NEK10: variants seen among roughly 807,000 people sequenced by gnomAD.
The protein encoded by NEK10 is serine/threonine-protein kinase Nek10.
A neutral mutation model predicts 159.8 loss-of-function variants in NEK10; 122 were observed. The ratio of observed to expected loss-of-function variants is 0.76; its 90% confidence interval spans 0.66 to 0.89. The LOEUF (loss-of-function observed/expected upper bound fraction) is 0.89, where lower values mean the gene tolerates loss of function less well. Among genes scored for constraint, NEK10 ranks in the 40% least tolerant of loss-of-function variants. The probability of loss-of-function intolerance (pLI) is 0.00; values close to 1 mark genes in which losing one functional copy is unlikely to be tolerated. For missense variants in NEK10, 1,342 were observed against 1,323.1 expected (o/e 1.01, Z -0.22); for synonymous variants, 466 against 457.1 (o/e 1.02, Z -0.25).
chr3:27,112,436 C>T (rs1939709440), intron 35 of NEK10, among the ~76,000 whole-genome samples: 1 of 152,174 alleles, frequency 6.6e-6, no homozygotes, highest in Non-Finnish European at 1.5e-5. Context: ...GTAACTTTCT[C>T]AGCACGGTGC....
intron 1 of NEK10, among the ~76,000 whole-genome samples, chr3:27,353,181 T>C (rs887560915): frequency 7.7e-4 from 118 of 152,326 alleles, no homozygotes; most frequent in African/African-American, 2.3e-3. Context: ...ATTGGTTTGC[T>C]TTTATTTTTC....
chr3:27,111,335 A>C lies in NEK10; in HGVS notation c.3300-15T>G, dbSNP rs1939499054. 1 of 1,566,902 alleles carries C rather than the reference A, an allele frequency of 6.4e-7. No individual in the cohort carries two copies. On this transcript the variant is annotated splice_polypyrimidine_tract_variant and intron_variant, in intron 35 of 35. Coordinates refer to ENST00000691995, the MANE Select transcript of NEK10 (RefSeq NM_001394966.1). ...AGGAATGATACCTATAAGATTCAGA[A>C]GTGGAAAGAATTCTCTATAGTTACA...
chr3:27,118,273 T>G (rs1388253911), intron 33 of NEK10, among the ~76,000 whole-genome samples: 2 of 152,224 alleles, frequency 1.3e-5, no homozygotes, highest in Non-Finnish European at 2.9e-5. Context: ...TTTGTCCTTT[T>G]TGCTTGGGAT....
rs180952651 is a variant in NEK10, at chr3:27,354,168, G to A, written c.-37-1249C>T. 1.7e-3 allele frequency among the ~76,000 whole-genome samples: 260 copies of A among 152,296 alleles called. 1 individual carries two copies. Among genetic ancestry groups the A allele is most frequent in the Middle Eastern group, 6.8e-3 (2 of 294 alleles). On this transcript the variant is annotated intron_variant, in intron 1 of 35. Transcript: ENST00000691995. ...GCTCAAACTATAGCTACAGACTATA[G>A]TTTAGAAGCAGAAAATAGAAGCCGC...
rs908169256 is a variant in NEK10 at position 27,107,581 on chromosome 3, G to C, written c.*3691C>G. The stretch of plus-strand genomic sequence containing the variant: ...ATATGAAATTCATTTATTACATTTA[G>C]TTGTTGAACATGAAGAATTTTATAT... On this transcript the variant is annotated 3_prime_UTR_variant, in exon 36 of 36. Coordinates refer to ENST00000691995, the MANE Select transcript of NEK10 (RefSeq NM_001394966.1). Among the ~76,000 whole-genome samples the C allele has an allele frequency of 6.6e-6, 1 of 152,102 alleles. No individual in the cohort carries two copies. The highest frequency in any genetic ancestry group is 1.5e-5 in the Non-Finnish European group (1 of 68,008).
chr3:27,209,406 A>C (rs1157981889), intron 23 of NEK10, among the ~76,000 whole-genome samples: 1 of 152,196 alleles, frequency 6.6e-6, no homozygotes, highest in Non-Finnish European at 1.5e-5. Context: ...CAGGATGTTT[A>C]TATTGGGCAT....
chr3:27,227,537 G>A (rs1379140725), intron 23 of NEK10, among the ~76,000 whole-genome samples: 1 of 152,042 alleles, frequency 6.6e-6, no homozygotes, highest in Non-Finnish European at 1.5e-5. Flanking sequence ...CCATTTCACG[G>A]ACCTCCTGCA....
At chr3:27,358,138 T>C (rs2048444431) in intron 1 of NEK10, among the ~76,000 whole-genome samples, 1 of 152,260 alleles carries the variant, frequency 6.6e-6, no homozygotes, top group South Asian at 2.1e-4. Context: ...CACAAACACT[T>C]GTACCTATAT....
At chr3:27,131,651 A>G (rs1437543836) in intron 32 of NEK10, among the ~76,000 whole-genome samples, 1 of 152,174 alleles carries the variant, frequency 6.6e-6, no homozygotes, top group Non-Finnish European at 1.5e-5. Context: ...TTTTCTTAGG[A>G]AAACATACAA....
intron 5 of NEK10, among the ~76,000 whole-genome samples, chr3:27,333,758 C>T (rs1225947423): frequency 6.6e-6 from 1 of 151,950 alleles, no homozygotes; most frequent in African/African-American, 2.4e-5. Flanking sequence ...GCCCTACCCC[C>T]AACAGAGTAT....
At chr3:27,325,287 G>A (rs147750940) in intron 5 of NEK10, among the ~76,000 whole-genome samples, 106 of 152,284 alleles carry the variant, frequency 7.0e-4, no homozygotes, top group African/African-American at 2.4e-3. Context: ...AAGAAAAAGC[G>A]AGGGAGATAA....
At chr3:27,254,557 T>A (rs1955980967) in intron 23 of NEK10, among the ~76,000 whole-genome samples, 1 of 152,156 alleles carries the variant, frequency 6.6e-6, no homozygotes, top group Admixed American at 6.5e-5. Context: ...CATCAAAAAC[T>A]AGCAAGAAAG....
intron 30 of NEK10, among the ~76,000 whole-genome samples, chr3:27,157,808 A>G (rs1318499702): frequency 1.3e-5 from 2 of 152,154 alleles, no homozygotes; most frequent in Non-Finnish European, 2.9e-5. Context: ...ATCTTATTTT[A>G]CAAAATTGCT....
At chr3:27,133,983 C>T (rs996813317) in intron 31 of NEK10, among the ~76,000 whole-genome samples, 12 of 151,802 alleles carry the variant, frequency 7.9e-5, no homozygotes, top group African/African-American at 2.9e-4. Flanking sequence ...TTCCTCGGCT[C>T]CCAGCAAATA....
intron 1 of NEK10, among the ~76,000 whole-genome samples, chr3:27,364,440 C>T (rs1015837984): frequency 4.0e-5 from 6 of 150,112 alleles, no homozygotes; most frequent in African/African-American, 1.5e-4. Flanking sequence ...GTTGGCCAGG[C>T]TGGTCTCAAA....
chr3:27,361,216 T>C (rs1259617448), intron 1 of NEK10, among the ~76,000 whole-genome samples: 1 of 152,226 alleles, frequency 6.6e-6, no homozygotes, highest in Non-Finnish European at 1.5e-5. Flanking sequence ...GATATAAATG[T>C]AGGTTCTGTG....
At chr3:27,196,106 T>C (rs944170386) in intron 25 of NEK10, among the ~76,000 whole-genome samples, 1 of 152,144 alleles carries the variant, frequency 6.6e-6, no homozygotes, top group Admixed American at 6.5e-5. Flanking sequence ...CTGGACCTGT[T>C]AGTTAAAAAT....
In NEK10 at chr3:27,322,160, G is replaced by A; in HGVS notation, c.447+17C>T. The stretch of plus-strand genomic sequence containing the variant: ...TTTATAACAAGTAAAAAAAAAAATT[G>A]TATTTTTCCAACCAACCTGATAACA... On this transcript the variant is annotated intron_variant, in intron 6 of 35. Transcript: ENST00000691995. 2.2e-6 allele frequency: 3 copies of A among 1,338,290 alleles called. No homozygotes were observed. The highest frequency in any genetic ancestry group is 1.5e-5 in the African/African-American group (1 of 66,520). The allele number at this position is 1,338,290 out of a possible 1,614,324, so 82.9% of individuals were successfully genotyped here.
chr3:27,154,892 C>T (rs1005378895), intron 30 of NEK10, among the ~76,000 whole-genome samples: 1 of 152,102 alleles, frequency 6.6e-6, no homozygotes, highest in Non-Finnish European at 1.5e-5. Flanking sequence ...TGGAACAAGA[C>T]AAGGATGCCC....
Sources: gnomAD v4.1 joint callset for allele counts (sites outside exome capture counted in the v4.1 genomes callset) on GRCh38, gnomAD v4.1.1 for gene constraint, MANE v1.5 for transcripts, NCBI Gene and HGNC (gene_info 2026-07-23, HGNC 2026-07-21) for gene names.